RMND5A: variants seen among roughly 807,000 people sequenced by gnomAD.
RMND5A encodes the protein E3 ubiquitin-protein transferase RMND5A.
Under a neutral mutation model 49.7 loss-of-function variants are expected in RMND5A, and 17 were observed. That is an observed-to-expected ratio of 0.34 (90% CI 0.23 to 0.51). The LOEUF (loss-of-function observed/expected upper bound fraction) is 0.51. Among genes scored for constraint, RMND5A ranks in the 20% least tolerant of loss-of-function variants. The pLI, the probability that RMND5A is intolerant of heterozygous loss-of-function variation, is 0.96. For missense variants in RMND5A, 255 were observed against 471.3 expected (o/e 0.54, Z 4.25); for synonymous variants, 156 against 167.7 (o/e 0.93, Z 0.54).
intron 4 of RMND5A, among the ~76,000 whole-genome samples, chr2:86,754,769 C>T (rs1184773045): frequency 1.3e-5 from 2 of 152,028 alleles, no homozygotes; most frequent in African/African-American, 2.4e-5. Flanking sequence ...CTATGTTACC[C>T]AGGCTGGTTT....
intron 4 of RMND5A, among the ~76,000 whole-genome samples, chr2:86,756,211 GC>G (rs1291029485): frequency 6.6e-6 from 1 of 151,844 alleles, no homozygotes; most frequent in African/African-American, 2.4e-5. Context: ...GGGCAACATA[GC>G]AAAACCCTAT....
At position 86,771,546 on chromosome 2, in the gene RMND5A, T is replaced by G; in HGVS notation, c.958-12T>G. On this transcript the variant is annotated splice_polypyrimidine_tract_variant and intron_variant, in intron 7 of 8. Coordinates refer to ENST00000283632, the MANE Select transcript of RMND5A (RefSeq NM_022780.4). Reference sequence around the variant, plus strand: ...ACTTCAGCTTTTTTACTTTTTTTTTTTTTTTTAACAGATTGAAGTGGACCT... The same window carrying G: ...ACTTCAGCTTTTTTACTTTTTTTTTGTTTTTTAACAGATTGAAGTGGACCT... 1 of 1,583,972 alleles carries G rather than the reference T, an allele frequency of 6.3e-7. No individual in the cohort carries two copies. The highest frequency in any genetic ancestry group is 8.5e-7 in the Non-Finnish European group (1 of 1,170,496).
intron 3 of RMND5A, 137 bp downstream of exon 3, chr2:86,752,167 C>T: frequency 1.3e-6 from 1 of 746,838 alleles, no homozygotes; most frequent in Non-Finnish European, 2.0e-6. Flanking sequence ...CAGAGATGAC[C>T]TCATTTTACT....
chr2:86,747,050 A>G (rs1004251205), intron 2 of RMND5A, among the ~76,000 whole-genome samples: 2 of 152,230 alleles, frequency 1.3e-5, no homozygotes, highest in Non-Finnish European at 2.9e-5. Flanking sequence ...TTATTTCATC[A>G]TAGGACAGGT....
In RMND5A at chr2:86,765,069, C is replaced by T. The variant is rs1558726191; in HGVS notation, c.564C>T (p.Ser188=). The T allele has an allele frequency of 6.2e-7, 1 of 1,613,248 alleles. No homozygotes were observed. Among genetic ancestry groups the T allele is most frequent in the Non-Finnish European group, 8.5e-7 (1 of 1,179,718 alleles). The change falls in exon 5 of 9, where the codon AGC becomes AGT. Residue 188 remains serine, a synonymous_variant. Transcript: ENST00000283632. ...SNREMLIAQN[S]SLEFKLHRLY... is the part of the protein sequence containing the mutation. ...GGGAAATGCTTATAGCTCAAAACAG[C>T]TCCTTGGAATTTAAGCTACACAGAC...
At chr2:86,759,312 A>G (rs992851961) in intron 4 of RMND5A, among the ~76,000 whole-genome samples, 1 of 152,164 alleles carries the variant, frequency 6.6e-6, no homozygotes, top group Non-Finnish European at 1.5e-5. Context: ...AATTAATGCT[A>G]ATGTTTCTGC....
In RMND5A at chr2:86,762,644, C is replaced by CAAA. The variant is rs139214361; in HGVS notation, c.522-2373_522-2371dup. On this transcript the variant is annotated intron_variant, in intron 4 of 8. Transcript: ENST00000283632. ...TGGGCAACAGAGTGAAACTCTGTCT[C>CAAA]AAAAAAAAAAAATATTTTTTTATAT... Among the ~76,000 whole-genome samples, 452 of 140,138 alleles carry CAAA rather than the reference C, an allele frequency of 3.2e-3. 8 individuals carry two copies. The highest frequency in any genetic ancestry group is 0.011 in the African/African-American group (403 of 36,990). 91.9% of individuals were successfully genotyped at this position (140,138 alleles called of 152,430 possible). A position where few individuals can be genotyped will look rare whatever the true frequency, so the allele number is the denominator to read the frequency against.
rs772378501 is a variant in RMND5A, at chr2:86,763,776, C to CA, written c.522-1238dup. On this transcript the variant is annotated intron_variant, in intron 4 of 8. Transcript: ENST00000283632. The stretch of plus-strand genomic sequence containing the variant: ...GGGTGGCAGAGTGAGACCCCGTCTC[C>CA]AAAAAAAAAAAAAGTACATTATTGT... Among the ~76,000 whole-genome samples, 595 of 131,116 alleles carry CA rather than the reference C, an allele frequency of 4.5e-3. 5 individuals are homozygous for CA. Among genetic ancestry groups the CA allele is most frequent in the Middle Eastern group, 7.5e-3 (2 of 266 alleles). 86.0% of individuals were successfully genotyped at this position (131,116 alleles called of 152,430 possible). A position where few individuals can be genotyped will look rare whatever the true frequency, so the allele number is the denominator to read the frequency against.
chr2:86,763,997 A>T (rs1464273068), intron 4 of RMND5A, among the ~76,000 whole-genome samples: 2 of 152,224 alleles, frequency 1.3e-5, no homozygotes, highest in African/African-American at 4.8e-5. Context: ...AGTTAATTAG[A>T]ATGTTTACAT....
chr2:86,751,031 T>A (rs1184241603), intron 2 of RMND5A, among the ~76,000 whole-genome samples: 1 of 152,226 alleles, frequency 6.6e-6, no homozygotes, highest in East Asian at 1.9e-4. Flanking sequence ...GATCATCTTT[T>A]TCCATGTGAG....
Position 86,765,914 on chromosome 2 carries a change from A to C in RMND5A, c.744A>C (p.Ser248=), listed in dbSNP as rs1672583349. 1 of 1,614,148 alleles carries C rather than the reference A, an allele frequency of 6.2e-7. No individual in the cohort carries two copies. The highest frequency in any genetic ancestry group is 8.5e-7 in the Non-Finnish European group (1 of 1,180,010). ...ACCTGAGACAAGGGATTGAGAACTC[A>C]CCATATGTTCACCTACTTGATGCAA... ...LVYLRQGIEN[S]PYVHLLDANQ... is the part of the protein sequence containing the mutation. The change falls in exon 6 of 9, where the codon TCA becomes TCC. Residue 248 remains serine, a synonymous_variant. Coordinates refer to ENST00000283632, the MANE Select transcript of RMND5A (RefSeq NM_022780.4).
chr2:86,763,882 G>C (rs1017807940), intron 4 of RMND5A, among the ~76,000 whole-genome samples: 1 of 152,068 alleles, frequency 6.6e-6, no homozygotes, highest in Non-Finnish European at 1.5e-5. Context: ...TACAAATTTA[G>C]GTAAATATTT....
chr2:86,741,354 A>G (rs1315604919), intron 2 of RMND5A, among the ~76,000 whole-genome samples: 11 of 151,972 alleles, frequency 7.2e-5, no homozygotes, highest in Admixed American at 1.3e-4. Context: ...ATAAAGTTCC[A>G]AAGAAATTTT....
At chr2:86,749,309 C>T (rs1042063315) in intron 2 of RMND5A, among the ~76,000 whole-genome samples, 3 of 152,108 alleles carry the variant, frequency 2.0e-5, no homozygotes, top group Admixed American at 6.5e-5. Flanking sequence ...AGTTGTGGTT[C>T]TTCAGTGCTA....
chr2:86,746,062 T>A (rs761605255), intron 2 of RMND5A, among the ~76,000 whole-genome samples: 25 of 152,216 alleles, frequency 1.6e-4, no homozygotes, highest in South Asian at 8.3e-4. Flanking sequence ...AAGGAGTGAA[T>A]GGAGTAATGG....
At position 86,771,739 on chromosome 2, in the gene RMND5A, T is replaced by C; in HGVS notation, c.1112+27T>C. ...TAAGTGTCTGACTTTTAAAAAATGT[T>C]AGCAAATAAATTTTGTTTTGGAACT... On this transcript the variant is annotated intron_variant, in intron 8 of 8. Transcript: ENST00000283632. The C allele has an allele frequency of 2.5e-6, 4 of 1,581,308 alleles. No individual in the cohort carries two copies. The South Asian group carries it at 4.5e-5, about 18-fold the overall frequency.
rs763661127 is a variant in RMND5A, at chr2:86,765,102, T to C, written c.597T>C (p.Phe199=). Residue 199 remains phenylalanine, a synonymous_variant, in exon 5 of 9, where the codon TTT becomes TTC. Coordinates refer to ENST00000283632, the MANE Select transcript of RMND5A (RefSeq NM_022780.4). ...SLEFKLHRLY[F]ISLLMGGTTN... ...AATTTAAGCTACACAGACTGTATTT[T>C]ATTAGCTTGTTAATGGGTGGAACCA... is the stretch of plus-strand genomic sequence containing the variant. The C allele has an allele frequency of 9.9e-6, 16 of 1,614,174 alleles. No individual in the cohort carries two copies. Among genetic ancestry groups the C allele is most frequent in the Middle Eastern group, 1.6e-4 (1 of 6,062 alleles).
chr2:86,738,558 T>C lies in RMND5A; in HGVS notation c.143-2369T>C, dbSNP rs1476986283. On this transcript the variant is annotated intron_variant, in intron 1 of 8. Coordinates refer to ENST00000283632, the MANE Select transcript of RMND5A (RefSeq NM_022780.4). ...ACCCTGTCTCAAAAAAAAAAAATGT[T>C]TTTTGTGGGTTTTTTTTTTAATTAG... Among the ~76,000 whole-genome samples, 7 of 59,718 alleles carry C rather than the reference T, an allele frequency of 1.2e-4. 2 individuals are homozygous for C. The highest frequency in any genetic ancestry group is 2.2e-4 in the Non-Finnish European group (7 of 31,428). The allele number at this position is 59,718 out of a possible 152,430, so 39.2% of individuals were successfully genotyped here.
chr2:86,773,032 C>T (rs1398055301), intron 8 of RMND5A, among the ~76,000 whole-genome samples: 1 of 152,148 alleles, frequency 6.6e-6, no homozygotes, highest in Non-Finnish European at 1.5e-5. Context: ...AAGACTGTTG[C>T]AACCTAAACC....
Sources: allele counts gnomAD v4.1 joint callset (sites outside exome capture counted in the v4.1 genomes callset), GRCh38; gene constraint gnomAD v4.1.1; transcripts MANE v1.5; gene names NCBI Gene and HGNC (gene_info 2026-07-23, HGNC 2026-07-21).